NIM1K: variants seen among roughly 807,000 people sequenced by gnomAD.
The protein encoded by NIM1K is serine/threonine-protein kinase NIM1.
In NIM1K, 35 loss-of-function variants were observed where a neutral mutation model predicts 37.1. The observed-to-expected ratio is 0.94, with a 90% confidence interval of 0.72 to 1.25. The LOEUF is 1.25. Ranked by LOEUF, NIM1K falls within the 50% of genes most tolerant of loss-of-function variation. The probability of loss-of-function intolerance (pLI) is 0.00; values close to 1 mark genes in which losing one functional copy is unlikely to be tolerated. For missense variants in NIM1K, 564 were observed against 548.0 expected, an observed-to-expected ratio of 1.03 and a Z score of -0.29; for synonymous variants, 234 against 206.6, an observed-to-expected ratio of 1.13 and a Z score of -1.14.
At position 43,280,186 on chromosome 5, in the gene NIM1K, C is replaced by G. The variant is rs148557330; in HGVS notation, c.768C>G (p.Ala256=). The change falls in exon 4 of 4, where the codon GCC becomes GCG. Residue 256 remains alanine, a synonymous_variant. Transcript: ENST00000326035. The stretch of plus-strand genomic sequence containing the variant: ...TCGGCATTTACGTGGATATCTGGGC[C>G]TTGGGGGTGCTTTTGTACTTCATGG... ...HYIGIYVDIW[A]LGVLLYFMVT... The G allele has an allele frequency of 3.1e-6, 5 of 1,614,004 alleles. No individual in the cohort carries two copies. The highest frequency in any genetic ancestry group is 4.2e-6 in the Non-Finnish European group (5 of 1,180,022).
At position 43,241,051 on chromosome 5, in the gene NIM1K, G is replaced by A. The variant is rs145232165; in HGVS notation, c.-694-4031G>A. 4.6e-5 allele frequency among the ~76,000 whole-genome samples: 7 copies of A among 152,014 alleles called. No homozygotes were observed. In the East Asian group the frequency reaches 1.4e-3, roughly 29 times the overall value. On this transcript the variant is annotated intron_variant, in intron 1 of 3. Transcript: ENST00000326035. ...TAGTTACAGCCAAATTACCTTCCAAGCAATTGTACCGATTTATACTTCAGT... is the reference window on the plus strand; with the variant it reads ...TAGTTACAGCCAAATTACCTTCCAAACAATTGTACCGATTTATACTTCAGT...
chr5:43,277,119 T>A lies in NIM1K; in HGVS notation c.355T>A (p.Ser119Thr). ...AGACCAGAAAACCCAGAGGCTACTA[T>A]CCCGAGAAATCTCCAGCATGGAAAA... ...KLDQKTQRLL[S>T]REISSMEKLH... The change falls in exon 3 of 4, where the codon TCC (serine) becomes ACC (threonine). Residue 119 changes from serine (S) to threonine (T), a missense_variant. Transcript: ENST00000326035. The A allele has an allele frequency of 6.2e-7, 1 of 1,614,134 alleles. No individual in the cohort carries two copies. The highest frequency in any genetic ancestry group is 8.5e-7 in the Non-Finnish European group (1 of 1,179,996).
At chr5:43,267,847 G>C (rs767958858) in intron 2 of NIM1K, among the ~76,000 whole-genome samples, 3 of 152,126 alleles carry the variant, frequency 2.0e-5, no homozygotes, top group Non-Finnish European at 4.4e-5. Context: ...AAAAATTATT[G>C]ATACTTGTTT....
intron 3 of NIM1K, among the ~76,000 whole-genome samples, chr5:43,278,016 T>TTTCCTTCC (rs59194066): frequency 2.7e-5 from 4 of 147,950 alleles, no homozygotes; most frequent in Non-Finnish European, 5.9e-5. Flanking sequence ...CTTCCTTTCT[T>TTTCCTTCC]TTCCTTCCTT....
intron 1 of NIM1K, among the ~76,000 whole-genome samples, chr5:43,235,969 T>A (rs1752615027): frequency 6.6e-6 from 1 of 151,928 alleles, no homozygotes; most frequent in Admixed American, 6.6e-5. Flanking sequence ...AAGGAGTTAA[T>A]CTATACTTTA....
rs140827609 is a variant in NIM1K, at chr5:43,280,329, G to C, written c.911G>C (p.Gly304Ala). ...GAGCCCTGCCACCGACTCATCCGAG[G>C]AGTCCTTCAGCAGATCCCCACGGAG... is the stretch of plus-strand genomic sequence containing the variant. ...VSEPCHRLIR[G>A]VLQQIPTERY... Residue 304 changes from glycine to alanine, a missense_variant, in exon 4 of 4, where the codon GGA becomes GCA. Physicochemically the swap from Gly to Ala is moderately conservative, Grantham distance 60. Coordinates refer to ENST00000326035, the MANE Select transcript of NIM1K (RefSeq NM_153361.4). The C allele has an allele frequency of 7.3e-5, 118 of 1,614,164 alleles. 1 individual carries two copies. The African/African-American group carries it at 1.4e-3, about 19-fold the overall frequency.
intron 1 of NIM1K, among the ~76,000 whole-genome samples, chr5:43,236,638 G>A (rs773949597): frequency 1.3e-5 from 2 of 152,218 alleles, no homozygotes; most frequent in South Asian, 4.1e-4. Context: ...GGTCACTGAC[G>A]TAGAACTCCT....
At chr5:43,209,400 T>C (rs1472655191) in intron 1 of NIM1K, among the ~76,000 whole-genome samples, 3 of 152,204 alleles carry the variant, frequency 2.0e-5, no homozygotes, top group East Asian at 3.8e-4. Flanking sequence ...TAGGGGCACA[T>C]TGAACAAACT....
At chr5:43,264,122 AGACGTCT>A (rs1167496937) in intron 2 of NIM1K, among the ~76,000 whole-genome samples, 9 of 152,204 alleles carry the variant, frequency 5.9e-5, no homozygotes, top group Non-Finnish European at 1.2e-4. Context: ...AGAGTTCTGT[AGACGTCT>A]GTTAGGTCTG....
intron 1 of NIM1K, among the ~76,000 whole-genome samples, chr5:43,221,447 C>CAAAAAAA (rs55658060): frequency 3.6e-4 from 45 of 124,044 alleles, no homozygotes; most frequent in South Asian, 5.4e-4. Context: ...GAGACTGTCT[C>CAAAAAAA]AAAAAAAAAA....
intron 2 of NIM1K, among the ~76,000 whole-genome samples, chr5:43,260,327 A>G (rs1400851346): frequency 6.6e-6 from 1 of 152,160 alleles, no homozygotes; most frequent in Non-Finnish European, 1.5e-5. Context: ...GAATGCTTTC[A>G]ACTTTTCCCC....
rs184158242 is a variant in NIM1K, at chr5:43,269,914, G to A, written c.293-7143G>A. 2.6e-4 allele frequency among the ~76,000 whole-genome samples: 40 copies of A among 152,168 alleles called. No homozygotes were observed. In the Middle Eastern group the frequency reaches 0.024, roughly 91 times the overall value. ...ATTACAGGTGTGAGCCACCGTGCCC[G>A]GCCATGTGTGTGTGTTATTGTTTTA... On this transcript the variant is annotated intron_variant, in intron 2 of 3. Coordinates refer to ENST00000326035, the MANE Select transcript of NIM1K (RefSeq NM_153361.4).
At chr5:43,277,979 C>CCTTCCTTCCTTCCTGCCTGCCTTCCAT (rs1554017511) in intron 3 of NIM1K, among the ~76,000 whole-genome samples, 1 of 151,292 alleles carries the variant, frequency 6.6e-6, no homozygotes, top group Non-Finnish European at 1.5e-5. Flanking sequence ...CTGCCTTCCA[C>CCTTCCTTCCTTCCTGCCTGCCTTCCAT]CCTTCCTTCC....
At position 43,245,673 on chromosome 5, in the gene NIM1K, G is replaced by A; in HGVS notation, c.-103G>A. 8.8e-7 allele frequency: 1 copy of A among 1,130,120 alleles called. No homozygotes were observed. 70.0% of individuals were successfully genotyped at this position (1,130,120 alleles called of 1,614,324 possible). On this transcript the variant is annotated 5_prime_UTR_variant, in exon 2 of 4. Transcript: ENST00000326035. ...TCTCAGGAAAACTCTTTTGAACCCTGGGCACCTGCTGTCCTCAGTTGGCAT... is the reference window on the plus strand; with the variant it reads ...TCTCAGGAAAACTCTTTTGAACCCTAGGCACCTGCTGTCCTCAGTTGGCAT...
At chr5:43,198,148 T>TTCTTTCC in intron 1 of NIM1K, among the ~76,000 whole-genome samples, 1 of 45,830 alleles carries the variant, frequency 2.2e-5, no homozygotes, top group Admixed American at 2.2e-4. Context: ...TCTTTCTTTC[T>TTCTTTCC]TTCTTTCTTT....
At chr5:43,241,419 C>T (rs543008727) in intron 1 of NIM1K, among the ~76,000 whole-genome samples, 4 of 150,972 alleles carry the variant, frequency 2.6e-5, no homozygotes, top group South Asian at 2.1e-4. Context: ...ACTGGGTTCT[C>T]GCCTCCGCCT....
At chr5:43,210,877 A>G (rs1487401237) in intron 1 of NIM1K, among the ~76,000 whole-genome samples, 1 of 152,220 alleles carries the variant, frequency 6.6e-6, no homozygotes, top group African/African-American at 2.4e-5. Context: ...TACAGAAAGA[A>G]TGGGGACTTG....
chr5:43,203,261 G>A (rs1752060129), intron 1 of NIM1K, among the ~76,000 whole-genome samples: 1 of 152,194 alleles, frequency 6.6e-6, no homozygotes, highest in Middle Eastern at 3.2e-3. Context: ...GTTAAATCAA[G>A]TTCAGCCTAA....
chr5:43,192,372 C>G lies in NIM1K; in HGVS notation c.-734C>G, dbSNP rs570880380. The G allele has an allele frequency of 1.5e-4, 23 of 152,508 alleles. No homozygotes were observed. Among genetic ancestry groups the G allele is most frequent in the Middle Eastern group, 3.4e-3 (1 of 294 alleles). The allele number at this position is 152,508 out of a possible 1,614,324, so 9.4% of individuals were successfully genotyped here. On this transcript the variant is annotated 5_prime_UTR_variant, in exon 1 of 4. Transcript: ENST00000326035. ...CAACAACCCAGCGCGCCTAGCCTGG[C>G]GCCGTGCAGCGAAGCCCAAGAGCTG...
Sources: gnomAD v4.1 joint callset for allele counts (sites outside exome capture counted in the v4.1 genomes callset) on GRCh38, gnomAD v4.1.1 for gene constraint, MANE v1.5 for transcripts, NCBI Gene and HGNC (gene_info 2026-07-23, HGNC 2026-07-21) for gene names.